SVEP1: variants seen among roughly 807,000 people sequenced by gnomAD.
SVEP1 encodes sushi, von Willebrand factor type A, EGF and pentraxin domain containing 1.
A neutral mutation model predicts 367.3 loss-of-function variants in SVEP1; 164 were observed. That is an observed-to-expected ratio of 0.45 (90% CI 0.39 to 0.51). The LOEUF (loss-of-function observed/expected upper bound fraction) is 0.51. SVEP1 is among the 20% of genes least tolerant of loss of function. The pLI is 0.00. For missense variants in SVEP1, 4,117 were observed against 4,425.3 expected, an observed-to-expected ratio of 0.93 and a Z score of 1.98; for synonymous variants, 1,666 against 1,611.6, an observed-to-expected ratio of 1.03 and a Z score of -0.81.
intron 17 of SVEP1, among the ~76,000 whole-genome samples, chr9:110,468,118 C>G (rs1207460042): frequency 4.6e-5 from 7 of 152,216 alleles, no homozygotes; most frequent in Non-Finnish European, 1.0e-4. Flanking sequence ...TACTCAGTCT[C>G]AAGTAATCCT....
Position 110,459,048 on chromosome 9 carries a change from A to G in SVEP1, c.3388T>C (p.Tyr1130His). Residue 1130 changes from tyrosine (Y) to histidine (H), a missense_variant, in exon 19 of 48, where the codon TAT (tyrosine) becomes CAT (histidine). By Grantham distance (83) the Tyr-to-His change is moderately conservative. This residue lies in a region of SVEP1 where 2,174 missense variants were observed against 2,494.3 expected (regional missense o/e 0.87). Transcript: ENST00000374469. ...LMPCHPCPRD[Y>H]YQPNAGKAFC... is the part of the protein sequence containing the mutation. ...GCCTTCCCTGCATTAGGTTGGTAAT[A>G]GTCACGAGGACATGGGTGACAGGGC... 6.2e-7 allele frequency: 1 copy of G among 1,613,880 alleles called. No homozygotes were observed. Among genetic ancestry groups the G allele is most frequent in the Non-Finnish European group, 8.5e-7 (1 of 1,179,784 alleles).
intron 1 of SVEP1, among the ~76,000 whole-genome samples, chr9:110,554,432 C>G (rs13292863): frequency 0.14 from 21,260 of 152,112 alleles, 1,833 homozygotes; most frequent in Admixed American, 0.24. Flanking sequence ...CTAAAGCCCC[C>G]TACTGTGGTC....
chr9:110,424,027 G>C (rs950806926), intron 36 of SVEP1, among the ~76,000 whole-genome samples: 1 of 152,216 alleles, frequency 6.6e-6, no homozygotes, highest in Non-Finnish European at 1.5e-5. Flanking sequence ...AGCTAGGGAA[G>C]CTATCTCACA....
chr9:110,374,342 G>A lies in SVEP1; in HGVS notation c.10600+1026C>T, dbSNP rs374217251. The stretch of plus-strand genomic sequence containing the variant: ...ATCTCGTTCTTTTTTATGGCTGCAG[G>A]GCTATTACTAAAAAGTAAAAAAATA... On this transcript the variant is annotated intron_variant, in intron 46 of 47. Coordinates refer to ENST00000374469, the MANE Select transcript of SVEP1 (RefSeq NM_153366.4). Among the ~76,000 whole-genome samples the A allele has an allele frequency of 3.7e-3, 556 of 152,140 alleles. 4 individuals are homozygous for A. Among genetic ancestry groups the A allele is most frequent in the African/African-American group, 0.013 (519 of 41,502 alleles).
chr9:110,539,162 A>G (rs1461238140), intron 3 of SVEP1, among the ~76,000 whole-genome samples: 1 of 152,062 alleles, frequency 6.6e-6, no homozygotes, highest in Admixed American at 6.6e-5. Context: ...TCTGAAGACA[A>G]GCAGTGGGGA....
chr9:110,570,970 CTTTTTTTTTTTTTTT>C (rs374900472), intron 1 of SVEP1, among the ~76,000 whole-genome samples: 4 of 114,916 alleles, frequency 3.5e-5, no homozygotes, highest in Non-Finnish European at 3.6e-5. Context: ...CAGATGGCTC[CTTTTTTTTTTTTTTT>C]TTTTTTTTTT....
chr9:110,558,660 A>G (rs140589116), intron 1 of SVEP1, among the ~76,000 whole-genome samples: 5 of 152,260 alleles, frequency 3.3e-5, no homozygotes, highest in African/African-American at 9.6e-5. Flanking sequence ...GAGGAATTTG[A>G]TAAGAAACTA....
At chr9:110,378,762 G>C (rs1228078395) in intron 44 of SVEP1, among the ~76,000 whole-genome samples, 2 of 131,020 alleles carry the variant, frequency 1.5e-5, no homozygotes, top group Non-Finnish European at 3.2e-5. Context: ...GGACTGTTGT[G>C]GGGTGGGGGG....
intron 3 of SVEP1, among the ~76,000 whole-genome samples, chr9:110,541,797 ATATATAT>A (rs1830149813): frequency 6.9e-6 from 1 of 144,280 alleles, no homozygotes; most frequent in African/African-American, 2.5e-5. Context: ...ATAGATATCT[ATATATAT>A]CTATATACAT....
intron 40 of SVEP1, among the ~76,000 whole-genome samples, chr9:110,394,245 A>G (rs1046914151): frequency 6.6e-6 from 1 of 152,206 alleles, no homozygotes; most frequent in Non-Finnish European, 1.5e-5. Context: ...CCAGGCAAAC[A>G]GGGTCTGGAT....
chr9:110,397,540 G>C (rs931588536), intron 40 of SVEP1, among the ~76,000 whole-genome samples: 24 of 152,164 alleles, frequency 1.6e-4, no homozygotes, highest in Non-Finnish European at 3.2e-4. Context: ...ATTAGGAAAA[G>C]AGGAAGTCAA....
chr9:110,425,632 ATTT>A (rs1173670848), intron 36 of SVEP1, among the ~76,000 whole-genome samples: 1 of 152,218 alleles, frequency 6.6e-6, no homozygotes, highest in African/African-American at 2.4e-5. Flanking sequence ...AAATGAATAG[ATTT>A]TTTAATCGTT....
At position 110,408,135 on chromosome 9, in the gene SVEP1, C is replaced by T. The variant is rs768904890; in HGVS notation, c.7465G>A (p.Gly2489Arg). 1.9e-6 allele frequency: 3 copies of T among 1,613,802 alleles called. No individual in the cohort carries two copies. Among genetic ancestry groups the T allele is most frequent in the Non-Finnish European group, 2.5e-6 (3 of 1,179,824 alleles). Residue 2489 changes from glycine (G) to arginine (R), a missense_variant, in exon 38 of 48, where the codon GGA (glycine) becomes AGA (arginine). Transcript: ENST00000374469. ...LCGENGHWLGGKPTCKAIECL... is the reference protein window; with the variant it reads ...LCGENGHWLGRKPTCKAIECL... ...TCAATGGCTTTACATGTTGGTTTTC[C>T]TCCAAGCCAGTGACCATTTTCTCCA...
rs1260939509 is a variant in SVEP1 at position 110,479,747 on chromosome 9, A to G, written c.2375T>C (p.Phe792Ser). 6 of 1,602,298 alleles carry G rather than the reference A, an allele frequency of 3.7e-6. No homozygotes were observed. Among genetic ancestry groups the G allele is most frequent in the Non-Finnish European group, 5.1e-6 (6 of 1,176,532 alleles). The change falls in exon 13 of 48, where the codon TTT (phenylalanine) becomes TCT (serine). Residue 792 changes from phenylalanine to serine, a missense_variant. By Grantham distance (155) the Phe-to-Ser change is radical (BLOSUM62 -2). Coordinates refer to ENST00000374469, the MANE Select transcript of SVEP1 (RefSeq NM_153366.4). Reference sequence around the variant, plus strand: ...AAAGGACTTGAACCCGTGGTTTGCAAAACGTTTTTCTAGAAAATGTTGGAC... The same window carrying G: ...AAAGGACTTGAACCCGTGGTTTGCAGAACGTTTTTCTAGAAAATGTTGGAC... ...TEWPDCAKKR[F>S]ANHGFKSFEM...
rs947233931 is a variant in SVEP1, at chr9:110,454,250, T to C, written c.3787+1340A>G. 2.0e-5 allele frequency among the ~76,000 whole-genome samples: 3 copies of C among 152,196 alleles called. No individual in the cohort carries two copies. In the East Asian group the frequency reaches 5.8e-4, roughly 29 times the overall value. ...TTGTTAATTTTTGTTTTTGTTGCAA[T>C]TGCTTTTGGGGACTCAGCCATACAT... On this transcript the variant is annotated intron_variant, in intron 22 of 47. Transcript: ENST00000374469.
intron 3 of SVEP1, among the ~76,000 whole-genome samples, chr9:110,521,586 C>T (rs2118792812): frequency 6.6e-6 from 1 of 152,284 alleles, no homozygotes; most frequent in East Asian, 1.9e-4. Context: ...CACATACACA[C>T]TCAAAAATAC....
intron 14 of SVEP1, among the ~76,000 whole-genome samples, chr9:110,473,200 T>G (rs1205074879): frequency 6.6e-6 from 1 of 152,206 alleles, no homozygotes; most frequent in African/African-American, 2.4e-5. Context: ...TTTGTGAACT[T>G]TTTGGCTTTA....
chr9:110,436,242 C>G, intron 28 of SVEP1, 138 bp downstream of exon 28: 1 of 1,107,602 alleles, frequency 9.0e-7, no homozygotes, highest in Non-Finnish European at 1.2e-6. Flanking sequence ...TCTATAACCA[C>G]AGCATCAAAT....
chr9:110,513,418 T>C (rs777293670), intron 4 of SVEP1, among the ~76,000 whole-genome samples: 27 of 152,158 alleles, frequency 1.8e-4, no homozygotes, highest in Non-Finnish European at 2.9e-4. Flanking sequence ...CATTAGATAT[T>C]TTCCCTCTTG....
Sources: allele counts gnomAD v4.1 joint callset (sites outside exome capture counted in the v4.1 genomes callset), GRCh38; gene constraint gnomAD v4.1.1; regional missense constraint gnomAD v4.1.1; transcripts MANE v1.5; gene names NCBI Gene and HGNC (gene_info 2026-07-23, HGNC 2026-07-21).